TMEM45A: variants seen among roughly 807,000 people sequenced by gnomAD.
TMEM45A encodes DNA polymerase-transactivated protein 4.
TMEM45A carries 25 observed loss-of-function variants against 32.0 expected under a neutral mutation model. That is an observed-to-expected ratio of 0.78 (90% CI 0.57 to 1.09). The LOEUF (loss-of-function observed/expected upper bound fraction) is 1.09. Ranked by LOEUF, TMEM45A falls within the 50% of genes least tolerant of loss-of-function variation. The pLI is 0.00. For missense variants in TMEM45A, 302 were observed against 325.0 expected, an observed-to-expected ratio of 0.93 and a Z score of 0.54; for synonymous variants, 122 against 114.8, an observed-to-expected ratio of 1.06 and a Z score of -0.40.
At chr3:100,563,559 T>A (rs761021371) in intron 4 of TMEM45A, among the ~76,000 whole-genome samples, 2 of 152,144 alleles carry the variant, frequency 1.3e-5, no homozygotes, top group African/African-American at 2.4e-5. Flanking sequence ...ACACTCATCT[T>A]CCCTAAAATT....
At chr3:100,541,821 A>T (rs965372825) in intron 1 of TMEM45A, among the ~76,000 whole-genome samples, 1 of 152,166 alleles carries the variant, frequency 6.6e-6, no homozygotes. Flanking sequence ...ATGTAGTGAA[A>T]GCTAGGGGTC....
At position 100,555,433 on chromosome 3, in the gene TMEM45A, C is replaced by T. The variant is rs367901634; in HGVS notation, c.190+32C>T. The T allele has an allele frequency of 5.0e-5, 77 of 1,551,336 alleles. 1 individual carries two copies. In the African/African-American group the frequency reaches 8.3e-4, roughly 17 times the overall value. ...GGACCATTCTGTGTTCTATTTTTAC[C>T]TTTTAGGTGTTTTCATTCTTTTAAA... On this transcript the variant is annotated intron_variant, in intron 2 of 5. Coordinates refer to ENST00000323523, the MANE Select transcript of TMEM45A (RefSeq NM_018004.3).
At chr3:100,572,316 A>C (rs570709286) in intron 5 of TMEM45A, 2,053 of 151,926 alleles carry the variant, frequency 0.014, 41 homozygotes, top group African/African-American at 0.047. Flanking sequence ...ATGGTATCTC[A>C]TTGTGGTTTT....
intron 1 of TMEM45A, among the ~76,000 whole-genome samples, chr3:100,498,598 C>A (rs544346627): frequency 1.2e-4 from 18 of 151,536 alleles, no homozygotes; most frequent in African/African-American, 3.9e-4. Flanking sequence ...TGTGTGTGTC[C>A]CCTGTTGGTT....
chr3:100,524,041 C>A (rs1705493482), intron 1 of TMEM45A, among the ~76,000 whole-genome samples: 1 of 152,168 alleles, frequency 6.6e-6, no homozygotes, highest in African/African-American at 2.4e-5. Context: ...CATTAGCCTG[C>A]AATAGTCAGA....
intron 1 of TMEM45A, among the ~76,000 whole-genome samples, chr3:100,514,625 T>G (rs1265180572): frequency 6.6e-6 from 1 of 152,026 alleles, no homozygotes; most frequent in African/African-American, 2.4e-5. Flanking sequence ...AATTGACAAG[T>G]GGGATCTAAT....
At chr3:100,524,889 T>G (rs1358579816) in intron 1 of TMEM45A, among the ~76,000 whole-genome samples, 1 of 152,030 alleles carries the variant, frequency 6.6e-6, no homozygotes, top group East Asian at 1.9e-4. Context: ...AATGTTGACT[T>G]AGTACAAAAA....
intron 1 of TMEM45A, among the ~76,000 whole-genome samples, chr3:100,553,780 A>G (rs1045493760): frequency 6.6e-6 from 1 of 152,250 alleles, no homozygotes; most frequent in Non-Finnish European, 1.5e-5. Context: ...GGACCTGCAC[A>G]TAGCACTATG....
chr3:100,502,068 G>A (rs927967389), intron 1 of TMEM45A, among the ~76,000 whole-genome samples: 22 of 152,136 alleles, frequency 1.4e-4, no homozygotes, highest in African/African-American at 5.3e-4. Context: ...ATATCAAACT[G>A]TTGGGATTAT....
chr3:100,524,204 G>T (rs1705495777), intron 1 of TMEM45A, among the ~76,000 whole-genome samples: 1 of 152,224 alleles, frequency 6.6e-6, no homozygotes, highest in South Asian at 2.1e-4. Flanking sequence ...GGGGGAGACT[G>T]CCTTCTCTAT....
In TMEM45A at chr3:100,538,822, A is replaced by C. The variant is rs1041502216; in HGVS notation, c.-3-16387A>C. Among the ~76,000 whole-genome samples, 8 of 152,238 alleles carry C rather than the reference A, an allele frequency of 5.3e-5. No homozygotes were observed. The South Asian group carries it at 6.2e-4, about 12-fold the overall frequency. On this transcript the variant is annotated intron_variant, in intron 1 of 5. Transcript: ENST00000323523. ...CTATATACCAACAATGAACAACTGG[A>C]ATTCAAAATTAAAAATACAACATCA...
intron 1 of TMEM45A, among the ~76,000 whole-genome samples, chr3:100,531,414 A>T (rs1245739827): frequency 6.6e-6 from 1 of 152,212 alleles, no homozygotes; most frequent in Non-Finnish European, 1.5e-5. Flanking sequence ...CACCTAGATG[A>T]TCATCTATTG....
intron 1 of TMEM45A, among the ~76,000 whole-genome samples, chr3:100,500,418 A>G (rs1394020185): frequency 6.6e-6 from 1 of 152,138 alleles, no homozygotes; most frequent in Non-Finnish European, 1.5e-5. Flanking sequence ...CATTTGTTGA[A>G]TGAATGTTCT....
chr3:100,502,149 C>T (rs1457909079), intron 1 of TMEM45A, among the ~76,000 whole-genome samples: 1 of 151,860 alleles, frequency 6.6e-6, no homozygotes, highest in African/African-American at 2.4e-5. Context: ...TAACTACCCT[C>T]ACACTTTAAA....
intron 1 of TMEM45A, among the ~76,000 whole-genome samples, chr3:100,499,559 T>A (rs998227312): frequency 6.6e-6 from 1 of 152,232 alleles, no homozygotes; most frequent in African/African-American, 2.4e-5. Context: ...AAGTACTGAT[T>A]TTTTCTTATA....
intron 1 of TMEM45A, among the ~76,000 whole-genome samples, chr3:100,542,648 C>T (rs560012172): frequency 6.7e-4 from 102 of 152,262 alleles, no homozygotes; most frequent in African/African-American, 2.4e-3. Context: ...GTGAGGTGCT[C>T]ACTGGATTGG....
At chr3:100,569,358 CT>C (rs1424681027) in intron 5 of TMEM45A, among the ~76,000 whole-genome samples, 1 of 152,120 alleles carries the variant, frequency 6.6e-6, no homozygotes, top group African/African-American at 2.4e-5. Flanking sequence ...GCTTCGAGTC[CT>C]TTTTTGACCA....
At chr3:100,562,782 T>C (rs957761256) in intron 4 of TMEM45A, among the ~76,000 whole-genome samples, 2 of 152,136 alleles carry the variant, frequency 1.3e-5, no homozygotes, top group Admixed American at 6.5e-5. Flanking sequence ...CATGGGGTTA[T>C]TGGGAAAAAT....
intron 4 of TMEM45A, among the ~76,000 whole-genome samples, chr3:100,563,529 G>A (rs1187771618): frequency 3.9e-5 from 6 of 152,116 alleles, no homozygotes; most frequent in Non-Finnish European, 5.9e-5. Flanking sequence ...GGGATCTGGA[G>A]GGCTAGTCCA....
Sources: allele counts gnomAD v4.1 joint callset (sites outside exome capture counted in the v4.1 genomes callset), GRCh38; gene constraint gnomAD v4.1.1; transcripts MANE v1.5; gene names NCBI Gene and HGNC (gene_info 2026-07-23, HGNC 2026-07-21).